The following NAALADL2 variants were observed in gnomAD, a reference collection of about 807,000 sequenced individuals.
The protein encoded by NAALADL2 is inactive N-acetylated-alpha-linked acidic dipeptidase-like protein 2.
NAALADL2 carries 76 observed loss-of-function variants against 87.2 expected under a neutral mutation model. The ratio of observed to expected loss-of-function variants is 0.87; its 90% confidence interval spans 0.72 to 1.05. NAALADL2 has a LOEUF of 1.05. NAALADL2 is among the 50% of genes least tolerant of loss of function. The pLI is 0.00. For synonymous variants in NAALADL2, 354 were observed against 331.0 expected, an observed-to-expected ratio of 1.07 and a Z score of -0.75; for missense variants, 1,089 against 945.8, an observed-to-expected ratio of 1.15 and a Z score of -1.99.
chr3:175,053,133 TAGG>T (rs1755635252), intron 1 of NAALADL2, among the ~76,000 whole-genome samples: 2 of 152,232 alleles, frequency 1.3e-5, no homozygotes, highest in African/African-American at 4.8e-5. Context: ...GCCTCAATTT[TAGG>T]AGCAGATTTA....
rs11456834 is a variant in NAALADL2, at chr3:175,551,922, C to CAA, written c.1654-24104_1654-24103dup. On this transcript the variant is annotated intron_variant, in intron 9 of 13. Coordinates refer to ENST00000454872, the MANE Select transcript of NAALADL2 (RefSeq NM_207015.3). ...TGGGCAGCAGAGCGAGACTCTGTCT[C>CAA]AAAAAAAAAAAAAAAAGGGAATTAT... Among the ~76,000 whole-genome samples, 306 of 122,406 alleles carry CAA rather than the reference C, an allele frequency of 2.5e-3. 5 individuals are homozygous for CAA. Among genetic ancestry groups the CAA allele is most frequent in the South Asian group, 0.018 (68 of 3,748 alleles). 80.3% of individuals were successfully genotyped at this position (122,406 alleles called of 152,430 possible).
At chr3:174,551,912 C>A (rs1007494401) in intron 2 of NAALADL2, among the ~76,000 whole-genome samples, 4 of 152,110 alleles carry the variant, frequency 2.6e-5, no homozygotes, top group Non-Finnish European at 5.9e-5. Context: ...ATCCACGGTC[C>A]TCGGGTCAAA....
chr3:174,802,817 CT>C (rs1718999031), intron 3 of NAALADL2, among the ~76,000 whole-genome samples: 3 of 152,194 alleles, frequency 2.0e-5, no homozygotes, highest in South Asian at 4.2e-4. Flanking sequence ...CAAACTCACC[CT>C]TTTTTATGCC....
intron 1 of NAALADL2, among the ~76,000 whole-genome samples, chr3:175,018,001 AG>A: frequency 6.6e-6 from 1 of 152,056 alleles, no homozygotes; most frequent in Non-Finnish European, 1.5e-5. Context: ...TCACTGGCTT[AG>A]GGTCGCATAA....
intron 1 of NAALADL2, among the ~76,000 whole-genome samples, chr3:174,995,770 C>T (rs1560455368): frequency 6.7e-6 from 1 of 148,806 alleles, no homozygotes. Context: ...CTTTGAATTG[C>T]TTTTACGCTA....
At chr3:175,759,605 C>A (rs940332448) in intron 13 of NAALADL2, among the ~76,000 whole-genome samples, 1 of 152,178 alleles carries the variant, frequency 6.6e-6, no homozygotes, top group Non-Finnish European at 1.5e-5. Context: ...ATTTGCCTGC[C>A]TCAGCCTCCC....
At chr3:175,713,012 T>C (rs564135702) in intron 11 of NAALADL2, among the ~76,000 whole-genome samples, 1 of 152,222 alleles carries the variant, frequency 6.6e-6, no homozygotes, top group South Asian at 2.1e-4. Context: ...GTGCCCTTAA[T>C]CTAAATGCTG....
intron 3 of NAALADL2, among the ~76,000 whole-genome samples, chr3:174,822,083 T>C (rs1023232660): frequency 3.3e-5 from 5 of 152,042 alleles, no homozygotes; most frequent in Admixed American, 6.6e-5. Flanking sequence ...CAAAGTCAAA[T>C]AATGTACAGG....
At chr3:175,459,140 T>C (rs994820047) in intron 6 of NAALADL2, among the ~76,000 whole-genome samples, 1 of 151,950 alleles carries the variant, frequency 6.6e-6, no homozygotes, top group Non-Finnish European at 1.5e-5. Context: ...CAAATACATA[T>C]ACCACCCGAA....
intron 3 of NAALADL2, among the ~76,000 whole-genome samples, chr3:174,761,475 G>C (rs1322961088): frequency 1.3e-5 from 2 of 151,950 alleles, no homozygotes; most frequent in Non-Finnish European, 2.9e-5. Context: ...TCACTTACAA[G>C]GTTCTTGAAG....
intron 1 of NAALADL2, among the ~76,000 whole-genome samples, chr3:175,074,913 A>C (rs1312878556): frequency 1.4e-5 from 2 of 147,736 alleles, no homozygotes; most frequent in African/African-American, 5.2e-5. Context: ...AGAGCAGAGA[A>C]GGAGAAGGAG....
intron 1 of NAALADL2, among the ~76,000 whole-genome samples, chr3:174,514,425 A>G (rs1409644923): frequency 6.6e-6 from 1 of 152,190 alleles, no homozygotes; most frequent in African/African-American, 2.4e-5. Flanking sequence ...CAGTTGCTAT[A>G]TAAAATTCCC....
intron 4 of NAALADL2, among the ~76,000 whole-genome samples, chr3:175,292,241 A>C (rs1395071499): frequency 6.6e-6 from 1 of 152,216 alleles, no homozygotes; most frequent in Non-Finnish European, 1.5e-5. Context: ...ATGAACAAAA[A>C]TGAAAAGCAA....
intron 2 of NAALADL2, among the ~76,000 whole-genome samples, chr3:175,200,366 C>T (rs1040399452): frequency 6.6e-6 from 1 of 151,886 alleles, no homozygotes; most frequent in Non-Finnish European, 1.5e-5. Flanking sequence ...CTCTCTCTCT[C>T]TTTTTTTCTT....
intron 3 of NAALADL2, among the ~76,000 whole-genome samples, chr3:174,836,259 A>C (rs1219105498): frequency 6.6e-6 from 1 of 152,158 alleles, no homozygotes; most frequent in Non-Finnish European, 1.5e-5. Flanking sequence ...GTATGATTCC[A>C]CTTACATAGG....
intron 5 of NAALADL2, among the ~76,000 whole-genome samples, chr3:175,442,353 C>A (rs967831728): frequency 6.6e-6 from 1 of 151,942 alleles, no homozygotes; most frequent in Non-Finnish European, 1.5e-5. Context: ...CACAGCCAAC[C>A]AGATGAGATT....
At chr3:175,133,529 G>A (rs555325869) in intron 2 of NAALADL2, among the ~76,000 whole-genome samples, 8 of 152,254 alleles carry the variant, frequency 5.3e-5, no homozygotes, top group South Asian at 2.1e-4. Context: ...AGACCAGCCC[G>A]GTCAACACAG....
chr3:175,714,684 G>C (rs922892909), intron 11 of NAALADL2, among the ~76,000 whole-genome samples: 1 of 152,118 alleles, frequency 6.6e-6, no homozygotes, highest in African/African-American at 2.4e-5. Flanking sequence ...TAGGTTGCCT[G>C]TTCACTCTGA....
chr3:175,411,490 A>AG (rs1316055760), intron 5 of NAALADL2, among the ~76,000 whole-genome samples: 2 of 151,192 alleles, frequency 1.3e-5, no homozygotes, highest in East Asian at 3.9e-4. Flanking sequence ...TTATGGGGGA[A>AG]AAATGAAGTA....
Sources: gnomAD v4.1 joint callset for allele counts (sites outside exome capture counted in the v4.1 genomes callset) on GRCh38, gnomAD v4.1.1 for gene constraint, MANE v1.5 for transcripts, NCBI Gene and HGNC (gene_info 2026-07-23, HGNC 2026-07-21) for gene names.